PRMT2: variants seen among roughly 807,000 people sequenced by gnomAD.
The protein encoded by PRMT2 is protein arginine N-methyltransferase 2.
A neutral mutation model predicts 57.6 loss-of-function variants in PRMT2; 26 were observed. The ratio of observed to expected loss-of-function variants is 0.45; its 90% confidence interval spans 0.33 to 0.63. PRMT2 has a LOEUF of 0.63. Among genes scored for constraint, PRMT2 ranks in the 20% least tolerant of loss-of-function variants. The pLI, the probability that PRMT2 is intolerant of heterozygous loss-of-function variation, is 0.02. For synonymous variants in PRMT2, 219 were observed against 220.0 expected, an observed-to-expected ratio of 1.00 and a Z score of 0.04; for missense variants, 472 against 564.4, an observed-to-expected ratio of 0.84 and a Z score of 1.66.
chr21:46,664,178 A>T, intron 11 of PRMT2, 117 bp from the exon 12 acceptor site: 1 of 806,726 alleles, frequency 1.2e-6, no homozygotes, highest in South Asian at 1.7e-5. Flanking sequence ...TTTGTCATTT[A>T]AAAAAATTCT....
chr21:46,645,111 A>T (rs7283253), intron 5 of PRMT2, among the ~76,000 whole-genome samples: 15,914 of 134,968 alleles, frequency 0.12, 997 homozygotes, highest in Middle Eastern at 0.15. Context: ...ATTAAAAAAA[A>T]ATATAATTAG....
rs1655335840 is a variant in PRMT2 at position 46,648,358 on chromosome 21, G to T, written c.328-100G>T. The stretch of plus-strand genomic sequence containing the variant: ...CATAGTCTTCCATAGGGGTGTTGGG[G>T]TCAGGGGTCATCAGCTGTGGCTCTG... On this transcript the variant is annotated intron_variant, in intron 5 of 11. Coordinates refer to ENST00000355680, the MANE Select transcript of PRMT2 (RefSeq NM_206962.4). This position sits in a 1 kb window ranked among gnomAD's most constrained non-coding sequence, Gnocchi z 4.8. The T allele has an allele frequency of 7.6e-7, 1 of 1,323,002 alleles. No individual in the cohort carries two copies. The highest frequency in any genetic ancestry group is 1.9e-5 in the Admixed American group (1 of 52,900). The allele number at this position is 1,323,002 out of a possible 1,614,324, so 82.0% of individuals were successfully genotyped here.
intron 5 of PRMT2, among the ~76,000 whole-genome samples, chr21:46,646,677 G>A (rs963386331): frequency 2.6e-5 from 4 of 152,276 alleles, no homozygotes; most frequent in African/African-American, 9.6e-5. Flanking sequence ...GTATAATCCT[G>A]TTAAATGCTG....
At chr21:46,654,025 G>A in intron 7 of PRMT2, 1 of 991,006 alleles carries the variant, frequency 1.0e-6, no homozygotes, top group Non-Finnish European at 1.2e-6. Context: ...ACTTCTGAGG[G>A]CACATTCACC....
At chr21:46,663,615 G>T in intron 11 of PRMT2, 61 bp downstream of exon 11, 1 of 1,553,764 alleles carries the variant, frequency 6.4e-7, no homozygotes. Flanking sequence ...AGACAGGCCT[G>T]GGTGGTGGTA....
intron 7 of PRMT2, chr21:46,652,570 C>T (rs1019106296): frequency 1.0e-6 from 1 of 985,288 alleles, no homozygotes; most frequent in Non-Finnish European, 1.2e-6. Flanking sequence ...GCTGAGCAAT[C>T]CTCTAATATC....
At chr21:46,659,789 G>C (rs1306182153) in intron 8 of PRMT2, 1 of 985,336 alleles carries the variant, frequency 1.0e-6, no homozygotes, top group Non-Finnish European at 1.2e-6. Flanking sequence ...CCAGAGGAAC[G>C]TGATTGAATT....
chr21:46,645,524 G>A (rs1309274232), intron 5 of PRMT2, among the ~76,000 whole-genome samples: 2 of 152,092 alleles, frequency 1.3e-5, no homozygotes, highest in Admixed American at 6.5e-5. Flanking sequence ...TCCCCACCAT[G>A]GAGAAATGCC....
At chr21:46,662,179 T>TC (rs1406766618) in intron 10 of PRMT2, among the ~76,000 whole-genome samples, 1 of 152,100 alleles carries the variant, frequency 6.6e-6, no homozygotes, top group Non-Finnish European at 1.5e-5. Flanking sequence ...TGGGCGTCCC[T>TC]CCGACAACAG....
At chr21:46,662,558 A>G (rs528022744) in intron 10 of PRMT2, among the ~76,000 whole-genome samples, 4 of 152,286 alleles carry the variant, frequency 2.6e-5, no homozygotes, top group African/African-American at 9.6e-5. Flanking sequence ...CTCCAGTGCC[A>G]TCACCGGGTG....
chr21:46,643,349 A>C (rs1488623385), intron 3 of PRMT2, 186 bp from the exon 4 acceptor site: 2 of 1,158,620 alleles, frequency 1.7e-6, no homozygotes, highest in Non-Finnish European at 2.2e-6. Flanking sequence ...TTTTTTAGAA[A>C]AGAAATGTAG....
intron 8 of PRMT2, 196 bp downstream of exon 8, chr21:46,659,116 C>A (rs532857652): frequency 7.5e-7 from 1 of 1,334,934 alleles, no homozygotes; most frequent in South Asian, 2.0e-5. Flanking sequence ...ATGGGCAGAG[C>A]AGGGTAGAAT....
At chr21:46,638,599 G>A (rs1040385785) in intron 3 of PRMT2, among the ~76,000 whole-genome samples, 1 of 152,170 alleles carries the variant, frequency 6.6e-6, no homozygotes, top group African/African-American at 2.4e-5. Context: ...GCCCACAATA[G>A]TGCTTACTAA....
At chr21:46,656,161 A>T in intron 7 of PRMT2, among the ~76,000 whole-genome samples, 1 of 152,236 alleles carries the variant, frequency 6.6e-6, no homozygotes, top group East Asian at 1.9e-4. Flanking sequence ...TGGTTGTGAA[A>T]AAGAGCCTGG....
At chr21:46,635,954 C>T (rs982470229) in intron 1 of PRMT2, 191 bp downstream of exon 1, 2 of 151,472 alleles carry the variant, frequency 1.3e-5, no homozygotes, top group African/African-American at 4.9e-5. Flanking sequence ...CCCCGTCACA[C>T]CCTTCCCTGC....
chr21:46,647,363 T>G (rs2061380101), intron 5 of PRMT2, among the ~76,000 whole-genome samples: 1 of 152,224 alleles, frequency 6.6e-6, no homozygotes, highest in African/African-American at 2.4e-5. Flanking sequence ...ACTTTTTTCT[T>G]TGTATAGCCT....
rs184142757 is a variant in PRMT2, at chr21:46,638,245, T to G, written c.39+1255T>G. On this transcript the variant is annotated intron_variant, in intron 3 of 11. Transcript: ENST00000355680. ...ACCTTTGGGGAAGTTGTCCTTGTTA[T>G]GTGTGTAATGCTGGTTCAATCCTGC... Among the ~76,000 whole-genome samples, 183 of 152,328 alleles carry G rather than the reference T, an allele frequency of 1.2e-3. 1 individual carries two copies. Among genetic ancestry groups the G allele is most frequent in the Middle Eastern group, 3.4e-3 (1 of 294 alleles).
In PRMT2 at chr21:46,658,756, G is replaced by A; in HGVS notation, c.666G>A (p.Met222Ile). ...WMGTCLLFEF[M>I]IESILYARDA... ...TCACTCCTATGCAGTTTGAGTTCAT[G>A]ATCGAGTCCATCCTGTATGCCCGGG... Residue 222 changes from methionine to isoleucine, a missense_variant, in exon 8 of 12, where the codon ATG (methionine) becomes ATA (isoleucine). Physicochemically the swap from Met to Ile is conservative, Grantham distance 10. Transcript: ENST00000355680. 1.2e-6 allele frequency: 2 copies of A among 1,614,158 alleles called. No individual in the cohort carries two copies. Among genetic ancestry groups the A allele is most frequent in the Non-Finnish European group, 1.7e-6 (2 of 1,179,996 alleles).
In PRMT2 at chr21:46,649,391, C is replaced by T. The variant is rs541623323; in HGVS notation, c.490-184C>T. 46 of 856,658 alleles carry T rather than the reference C, an allele frequency of 5.4e-5. No individual in the cohort carries two copies. In the East Asian group the frequency reaches 9.4e-4, roughly 17 times the overall value. The allele number at this position is 856,658 out of a possible 1,614,324, so 53.1% of individuals were successfully genotyped here. On this transcript the variant is annotated intron_variant, in intron 6 of 11. Coordinates refer to ENST00000355680, the MANE Select transcript of PRMT2 (RefSeq NM_206962.4). This position sits in a 1 kb window ranked among gnomAD's most constrained non-coding sequence, Gnocchi z 4.8. ...TGGGGGCAGTTGGGAGGGTTAGAGG[C>T]GGCTCCTTTCTGGGTGCCCCTGGAG... is the stretch of plus-strand genomic sequence containing the variant.
Sources: allele counts gnomAD v4.1 joint callset (sites outside exome capture counted in the v4.1 genomes callset), GRCh38; gene constraint gnomAD v4.1.1; non-coding constraint Gnocchi (gnomAD v3.1); transcripts MANE v1.5; gene names NCBI Gene and HGNC (gene_info 2026-07-23, HGNC 2026-07-21).